SH3RF3: variants seen among roughly 807,000 people sequenced by gnomAD.
The protein encoded by SH3RF3 is E3 ubiquitin-protein ligase SH3RF3.
A neutral mutation model predicts 66.3 loss-of-function variants in SH3RF3; 29 were observed. The ratio of observed to expected loss-of-function variants is 0.44; its 90% CI spans 0.33 to 0.60. SH3RF3 has a LOEUF of 0.60. Among genes scored for constraint, SH3RF3 ranks in the 20% least tolerant of loss-of-function variants. The pLI is 0.04. For missense variants in SH3RF3, 1,194 were observed against 1,190.9 expected, an observed-to-expected ratio of 1.00 and a Z score of -0.04; for synonymous variants, 583 against 532.0, an observed-to-expected ratio of 1.10 and a Z score of -1.32.
intron 4 of SH3RF3, among the ~76,000 whole-genome samples, chr2:109,418,001 C>T (rs911594829): frequency 6.6e-6 from 1 of 152,046 alleles, no homozygotes; most frequent in South Asian, 2.1e-4. Context: ...TTCCAGGTGG[C>T]TCTCCCTCCC....
rs6719914 is a variant in SH3RF3, at chr2:109,243,950, T to A, written c.574-103724T>A. 8.1e-3 allele frequency among the ~76,000 whole-genome samples: 1,239 copies of A among 152,334 alleles called. 21 individuals carry two copies. The highest frequency in any genetic ancestry group is 0.028 in the African/African-American group (1,173 of 41,574). On this transcript the variant is annotated intron_variant, in intron 1 of 9. Coordinates refer to ENST00000309415, the MANE Select transcript of SH3RF3 (RefSeq NM_001099289.3). ...AGCTCATGCCACCGACATGCAGCCA[T>A]GGGCACTTGGTGGTTCTGTTTGCCC...
intron 1 of SH3RF3, among the ~76,000 whole-genome samples, chr2:109,289,724 C>T (rs140270802): frequency 2.6e-5 from 4 of 152,104 alleles, no homozygotes; most frequent in Non-Finnish European, 5.9e-5. Flanking sequence ...ACTTCAGGAA[C>T]GCATGCTGAG....
At chr2:109,413,768 C>A (rs1262099314) in intron 4 of SH3RF3, among the ~76,000 whole-genome samples, 1 of 152,198 alleles carries the variant, frequency 6.6e-6, no homozygotes, top group East Asian at 1.9e-4. Context: ...TTCTCTGTTA[C>A]TAACTATGGC....
chr2:109,159,293 A>G (rs974394954), intron 1 of SH3RF3, among the ~76,000 whole-genome samples: 50 of 152,024 alleles, frequency 3.3e-4, no homozygotes, highest in African/African-American at 1.1e-3. Flanking sequence ...CTCTCTCAGG[A>G]CCGCTGCTGT....
At chr2:109,372,164 G>C (rs1044660404) in intron 3 of SH3RF3, among the ~76,000 whole-genome samples, 6 of 152,250 alleles carry the variant, frequency 3.9e-5, no homozygotes, top group African/African-American at 1.2e-4. Context: ...CAACTCTTCT[G>C]CCTGAGAGGC....
chr2:109,487,387 G>C (rs970117281), intron 8 of SH3RF3, among the ~76,000 whole-genome samples: 11 of 152,176 alleles, frequency 7.2e-5, no homozygotes, highest in African/African-American at 2.7e-4. Context: ...TGGATTCCGT[G>C]AGCATGACGA....
rs144447617 is a variant in SH3RF3, at chr2:109,489,075, C to T, written c.2149-1530C>T. On this transcript the variant is annotated intron_variant, in intron 8 of 9. Transcript: ENST00000309415. Reference sequence around the variant, plus strand: ...GAAACACATTGAGAAAAGTGGGGAGCGAAGGCCGAGACTCAGGCAGTGGAG... The same window carrying T: ...GAAACACATTGAGAAAAGTGGGGAGTGAAGGCCGAGACTCAGGCAGTGGAG... Among the ~76,000 whole-genome samples, 627 of 152,328 alleles carry T rather than the reference C, an allele frequency of 4.1e-3. 1 individual carries two copies. Among genetic ancestry groups the T allele is most frequent in the Middle Eastern group, 6.8e-3 (2 of 294 alleles).
chr2:109,340,364 G>A (rs1682532405), intron 1 of SH3RF3, among the ~76,000 whole-genome samples: 2 of 152,210 alleles, frequency 1.3e-5, no homozygotes, highest in African/African-American at 2.4e-5. Context: ...ACAGGAAGGG[G>A]CAAGGTCTGG....
chr2:109,390,177 C>T (rs547360516), intron 3 of SH3RF3, among the ~76,000 whole-genome samples: 51 of 152,334 alleles, frequency 3.3e-4, no homozygotes, highest in African/African-American at 1.2e-3. Flanking sequence ...AGAGAGACTT[C>T]CCTTGTGGCA....
intron 2 of SH3RF3, among the ~76,000 whole-genome samples, chr2:109,362,485 A>C (rs1010049478): frequency 2.0e-5 from 3 of 152,194 alleles, no homozygotes; most frequent in African/African-American, 7.2e-5. Context: ...AGACCAGAAT[A>C]TGGTCTGTCC....
At position 109,288,740 on chromosome 2, in the gene SH3RF3, GT is replaced by G. The variant is rs548195866; in HGVS notation, c.574-58932del. On this transcript the variant is annotated intron_variant, in intron 1 of 9. Transcript: ENST00000309415. ...CCCTGTCTTAGGAACATGGGTAAAA[GT>G]TGTCATGATGGAAGACACATGGCTG... Among the ~76,000 whole-genome samples the G allele has an allele frequency of 1.2e-3, 176 of 152,316 alleles. 1 individual carries two copies. The highest frequency in any genetic ancestry group is 4.0e-3 in the African/African-American group (165 of 41,550).
chr2:109,429,727 A>T (rs769484015), intron 5 of SH3RF3, among the ~76,000 whole-genome samples: 3 of 152,098 alleles, frequency 2.0e-5, no homozygotes, highest in Non-Finnish European at 4.4e-5. Context: ...CAGAAGCTCC[A>T]TCCCCTCGAG....
intron 1 of SH3RF3, among the ~76,000 whole-genome samples, chr2:109,240,772 T>G (rs796067734): frequency 3.0e-4 from 45 of 148,830 alleles, no homozygotes; most frequent in African/African-American, 9.4e-4. Flanking sequence ...CTGTCGTCCT[T>G]CTCCTCTCTA....
At chr2:109,232,075 T>G (rs1338028627) in intron 1 of SH3RF3, among the ~76,000 whole-genome samples, 1 of 152,256 alleles carries the variant, frequency 6.6e-6, no homozygotes, top group Non-Finnish European at 1.5e-5. Flanking sequence ...GGGGCTATTA[T>G]GAACAATGCC....
At chr2:109,200,977 C>T (rs1678657311) in intron 1 of SH3RF3, among the ~76,000 whole-genome samples, 1 of 152,174 alleles carries the variant, frequency 6.6e-6, no homozygotes, top group African/African-American at 2.4e-5. Flanking sequence ...GGCACCCGGG[C>T]TGCTGCTGGG....
intron 1 of SH3RF3, among the ~76,000 whole-genome samples, chr2:109,168,038 A>G (rs572734636): frequency 3.9e-4 from 59 of 152,202 alleles, no homozygotes; most frequent in Non-Finnish European, 6.3e-4. Flanking sequence ...TGTTCTGTGC[A>G]AAGTCTCTGT....
At chr2:109,473,053 G>T (rs2104732799) in intron 8 of SH3RF3, among the ~76,000 whole-genome samples, 1 of 152,354 alleles carries the variant, frequency 6.6e-6, no homozygotes, top group Middle Eastern at 3.4e-3. Flanking sequence ...AGGGTCACAT[G>T]GTGTTGCAGC....
At chr2:109,350,609 C>T (rs1293164175) in intron 2 of SH3RF3, among the ~76,000 whole-genome samples, 1 of 152,212 alleles carries the variant, frequency 6.6e-6, no homozygotes, top group African/African-American at 2.4e-5. Flanking sequence ...CAAATAAAGG[C>T]TCCAAGAGAC....
At chr2:109,277,812 C>T (rs1680792309) in intron 1 of SH3RF3, among the ~76,000 whole-genome samples, 2 of 152,150 alleles carry the variant, frequency 1.3e-5, no homozygotes, top group East Asian at 1.9e-4. Context: ...GGCAGTCTTA[C>T]CTCTTAAAAG....
Sources: gnomAD v4.1 joint callset for allele counts (sites outside exome capture counted in the v4.1 genomes callset) on GRCh38, gnomAD v4.1.1 for gene constraint, MANE v1.5 for transcripts, NCBI Gene and HGNC (gene_info 2026-07-23, HGNC 2026-07-21) for gene names.